Variants in MED20 observed in about 807,000 individuals in gnomAD.
The protein encoded by MED20 is mediator complex subunit 20.
Under a neutral mutation model 19.7 loss-of-function variants are expected in MED20, and 19 were observed. The observed-to-expected ratio is 0.96, with a 90% CI of 0.67 to 1.42. MED20 has a LOEUF of 1.42. Ranked by LOEUF, MED20 falls within the 40% of genes most tolerant of loss-of-function variation. MED20 has a pLI of 0.00. For synonymous variants in MED20, 105 were observed against 104.8 expected (o/e 1.00, Z -0.01); for missense variants, 225 against 273.0 (o/e 0.82, Z 1.24).
intron 2 of MED20, chr6:41,913,153 C>T (rs1212974582): frequency 6.6e-6 from 1 of 151,282 alleles, no homozygotes; most frequent in Non-Finnish European, 1.5e-5. Context: ...TTATTGTCTA[C>T]TCTCCTCCAA....
At chr6:41,919,625 T>A (rs1775407656) in intron 1 of MED20, among the ~76,000 whole-genome samples, 1 of 152,154 alleles carries the variant, frequency 6.6e-6, no homozygotes. Context: ...TGGAGCTGCC[T>A]TCTCCATTTA....
chr6:41,909,572 C>T (rs902922820), intron 2 of MED20, 50 bp from the exon 3 acceptor site: 1 of 1,595,128 alleles, frequency 6.3e-7, no homozygotes, highest in Non-Finnish European at 8.6e-7. Context: ...ACTGGCAAAC[C>T]CCAGAGTAGA....
At chr6:41,920,020 C>A (rs1210178212) in intron 1 of MED20, among the ~76,000 whole-genome samples, 2 of 152,164 alleles carry the variant, frequency 1.3e-5, no homozygotes, top group African/African-American at 4.8e-5. Context: ...ATTTCTCCCA[C>A]GGGAAAAATG....
chr6:41,919,648 G>C (rs1448739222), intron 1 of MED20, among the ~76,000 whole-genome samples: 2 of 152,168 alleles, frequency 1.3e-5, no homozygotes, highest in Non-Finnish European at 2.9e-5. Context: ...GAGCAGGGGT[G>C]GCTGGGCACG....
intron 3 of MED20, 95 bp downstream of exon 3, chr6:41,909,173 CA>C (rs11418802): frequency 0.078 from 95,016 of 1,223,302 alleles, 295 homozygotes; most frequent in South Asian, 0.15. Flanking sequence ...GACTCTGTCT[CA>C]AAAAAAAAAA....
chr6:41,909,620 T>C (rs1775142709), intron 2 of MED20, 98 bp from the exon 3 acceptor site: 3 of 1,528,974 alleles, frequency 2.0e-6, no homozygotes, highest in Non-Finnish European at 2.7e-6. Flanking sequence ...CAGACAGCAA[T>C]CTGGCACTAC....
chr6:41,920,773 A>C (rs1324422782), intron 1 of MED20: 10 of 477,564 alleles, frequency 2.1e-5, no homozygotes, highest in Admixed American at 1.3e-4. Context: ...CCGTCTTAAA[A>C]AAAACAAAAC....
rs1775026411 is a variant in MED20 at position 41,905,616 on chromosome 6, C to T, written c.*1456G>A. 6.6e-6 allele frequency: 1 copy of T among 152,188 alleles called. No individual in the cohort carries two copies. 9.4% of individuals were successfully genotyped at this position (152,188 alleles called of 1,614,324 possible). A position where few individuals can be genotyped will look rare whatever the true frequency, so the allele number is the denominator to read the frequency against. ...GATGCCTTCAAATAAGGGACAGTAT[C>T]CTTGATGACAATACAGTACATACAT... On this transcript the variant is annotated 3_prime_UTR_variant, in exon 4 of 4. Transcript: ENST00000265350.
chr6:41,909,256 AC>A lies in MED20; in HGVS notation c.423+12del. On this transcript the variant is annotated intron_variant, in intron 3 of 3. Transcript: ENST00000265350. ...CTCAGAACATCCTGCTCCTATTTTC[AC>A]CAAGGTCTTACCTCCACAGAGATGC... 1.2e-6 allele frequency: 2 copies of A among 1,609,492 alleles called. No homozygotes were observed. The highest frequency in any genetic ancestry group is 1.7e-6 in the Non-Finnish European group (2 of 1,176,818).
chr6:41,907,199 C>T lies in MED20; in HGVS notation c.512G>A (p.Gly171Glu), dbSNP rs989552704. 6.2e-7 allele frequency: 1 copy of T among 1,613,872 alleles called. No individual in the cohort carries two copies. The highest frequency in any genetic ancestry group is 1.3e-5 in the African/African-American group (1 of 74,842). ...LQSFLGSHTP[G>E]APAVFGNRHD... ...TCTGTTCCCAAACACTGCGGGAGCC[C>T]CTGGTGTGTGGCTGCCTAGAAAACT... The change falls in exon 4 of 4, where the codon GGG becomes GAG. Residue 171 changes from glycine (G) to glutamate (E), a missense_variant. Physicochemically the swap from Gly to Glu is moderately conservative, Grantham distance 98 (BLOSUM62 -2). Transcript: ENST00000265350.
rs535593789 is a variant in MED20 at position 41,906,882 on chromosome 6, G to C, written c.*190C>G. ...CACGGAGTAAAACAGCTGATGGGGG[G>C]CTATGTGTGAGAGTCAGGGGGTTGG... is the stretch of plus-strand genomic sequence containing the variant. On this transcript the variant is annotated 3_prime_UTR_variant, in exon 4 of 4. Coordinates refer to ENST00000265350, the MANE Select transcript of MED20 (RefSeq NM_004275.5). The C allele has an allele frequency of 1.5e-5, 9 of 589,138 alleles. No individual in the cohort carries two copies. The highest frequency in any genetic ancestry group is 2.7e-5 in the Non-Finnish European group (9 of 331,378). 36.5% of individuals were successfully genotyped at this position (589,138 alleles called of 1,614,324 possible).
intron 3 of MED20, chr6:41,908,958 G>A: frequency 2.5e-6 from 1 of 400,818 alleles, no homozygotes; most frequent in South Asian, 7.1e-5. Flanking sequence ...TGAGATGGGA[G>A]GATCAATTGA....
intron 1 of MED20, chr6:41,917,555 C>G (rs999418010): frequency 3.9e-5 from 13 of 331,352 alleles, no homozygotes; most frequent in South Asian, 1.4e-4. Flanking sequence ...GAATAGAGGA[C>G]CACAGTCCCT....
intron 1 of MED20, among the ~76,000 whole-genome samples, chr6:41,919,888 C>G (rs1252726959): frequency 6.6e-6 from 1 of 152,166 alleles, no homozygotes. Context: ...TCGTAGGAAG[C>G]AAGAGTGCAA....
intron 2 of MED20, among the ~76,000 whole-genome samples, chr6:41,912,636 C>A (rs1355955781): frequency 6.6e-6 from 1 of 152,076 alleles, no homozygotes; most frequent in Non-Finnish European, 1.5e-5. Flanking sequence ...GGATTCCAGG[C>A]ATGAGCCACC....
At chr6:41,920,788 C>CAAAAA in intron 1 of MED20, 1 of 454,858 alleles carries the variant, frequency 2.2e-6, no homozygotes, top group Non-Finnish European at 3.8e-6. Flanking sequence ...CAAAACAAAA[C>CAAAAA]AAAAAAAAAA....
intron 1 of MED20, among the ~76,000 whole-genome samples, chr6:41,918,330 CCT>C (rs1444308008): frequency 6.6e-6 from 1 of 151,124 alleles, no homozygotes; most frequent in Non-Finnish European, 1.5e-5. Context: ...ATGGTGAAAC[CCT>C]GTCTCTACCA....
chr6:41,916,455 T>C (rs1211669793), intron 2 of MED20, among the ~76,000 whole-genome samples: 5 of 151,868 alleles, frequency 3.3e-5, no homozygotes, highest in Non-Finnish European at 5.9e-5. Context: ...GGTGCATACC[T>C]ATAATCCCAG....
In MED20 at chr6:41,907,144, G is replaced by A; in HGVS notation, c.567C>T (p.Thr189=). 6.2e-7 allele frequency: 1 copy of A among 1,614,006 alleles called. No homozygotes were observed. Among genetic ancestry groups the A allele is most frequent in the Non-Finnish European group, 8.5e-7 (1 of 1,180,008 alleles). ...RHDAVYGPAD[T]MVQYMELFNK... ...TGAAGAGTTCCATGTACTGGACCAT[G>A]GTATCTGCTGGGCCGTAGACCGCAT... Residue 189 remains threonine (T), a synonymous_variant, in exon 4 of 4, where the codon ACC becomes ACT. Transcript: ENST00000265350.
Sources: gnomAD v4.1 joint callset for allele counts (sites outside exome capture counted in the v4.1 genomes callset) on GRCh38, gnomAD v4.1.1 for gene constraint, MANE v1.5 for transcripts, NCBI Gene and HGNC (gene_info 2026-07-23, HGNC 2026-07-21) for gene names.